The following KCNJ3 variants were observed in gnomAD, a reference collection of about 807,000 sequenced individuals.
The protein encoded by KCNJ3 is G protein-activated inward rectifier potassium channel 1.
A neutral mutation model predicts 39.2 loss-of-function variants in KCNJ3; 4 were observed. That is an observed-to-expected ratio of 0.10 (90% confidence interval 0.05 to 0.23). The LOEUF is 0.23. KCNJ3 is among the 10% of genes least tolerant of loss of function. The pLI is 1.00. For synonymous variants in KCNJ3, 230 were observed against 237.4 expected (o/e 0.97, Z 0.29); for missense variants, 276 against 634.9 (o/e 0.43, Z 6.08).
chr2:154,719,062 G>A (rs891272687), intron 2 of KCNJ3, among the ~76,000 whole-genome samples: 1 of 152,038 alleles, frequency 6.6e-6, no homozygotes, highest in Non-Finnish European at 1.5e-5. Context: ...TTCAAGATGA[G>A]GTCTTGGGAC....
At chr2:154,700,299 T>A (rs1574425420) in intron 1 of KCNJ3, among the ~76,000 whole-genome samples, 1 of 152,290 alleles carries the variant, frequency 6.6e-6, no homozygotes, top group African/African-American at 2.4e-5. Context: ...CTAAAACAAA[T>A]TGCACATGGA....
At chr2:154,839,858 G>C (rs1450204141) in intron 2 of KCNJ3, among the ~76,000 whole-genome samples, 1 of 151,864 alleles carries the variant, frequency 6.6e-6, no homozygotes, top group Non-Finnish European at 1.5e-5. Context: ...TGAGAAGATT[G>C]CAAAAATTTC....
At chr2:154,780,033 A>G (rs1452040593) in intron 2 of KCNJ3, among the ~76,000 whole-genome samples, 2 of 152,210 alleles carry the variant, frequency 1.3e-5, no homozygotes, top group East Asian at 3.9e-4. Context: ...TAACACTCTA[A>G]TAACAGTATG....
chr2:154,838,997 G>T (rs1169164238), intron 2 of KCNJ3, among the ~76,000 whole-genome samples: 1 of 152,134 alleles, frequency 6.6e-6, no homozygotes, highest in Non-Finnish European at 1.5e-5. Context: ...TGCACAACGT[G>T]CAGGTTTGAT....
intron 2 of KCNJ3, among the ~76,000 whole-genome samples, chr2:154,844,053 G>A (rs1181657324): frequency 6.6e-6 from 1 of 152,158 alleles, no homozygotes; most frequent in Non-Finnish European, 1.5e-5. Context: ...CAGCTTTTCT[G>A]CTCTGGTTTC....
intron 2 of KCNJ3, among the ~76,000 whole-genome samples, chr2:154,795,654 T>C (rs1193022627): frequency 1.3e-5 from 2 of 152,096 alleles, no homozygotes; most frequent in Non-Finnish European, 2.9e-5. Context: ...AAGTATTTAA[T>C]GTTTCATGTT....
intron 2 of KCNJ3, among the ~76,000 whole-genome samples, chr2:154,821,258 T>C (rs1226660290): frequency 6.6e-6 from 1 of 152,142 alleles, no homozygotes; most frequent in Non-Finnish European, 1.5e-5. Context: ...AAGCCCAAAT[T>C]TCTCTCTTTG....
chr2:154,739,413 T>C (rs116382510), intron 2 of KCNJ3, among the ~76,000 whole-genome samples: 310 of 152,148 alleles, frequency 2.0e-3, no homozygotes, highest in African/African-American at 7.0e-3. Context: ...AAGTGTCCAG[T>C]TGAATTTTCC....
At chr2:154,792,241 T>C (rs1380520219) in intron 2 of KCNJ3, among the ~76,000 whole-genome samples, 1 of 152,084 alleles carries the variant, frequency 6.6e-6, no homozygotes, top group Admixed American at 6.6e-5. Context: ...ACCTGAGTTA[T>C]GCTTGGTCTC....
chr2:154,725,539 T>C (rs1685339088), intron 2 of KCNJ3, among the ~76,000 whole-genome samples: 2 of 152,126 alleles, frequency 1.3e-5, no homozygotes, highest in South Asian at 4.1e-4. Context: ...GTTTTTTTCC[T>C]AGAAATATTT....
At chr2:154,824,595 G>A (rs1687238205) in intron 2 of KCNJ3, among the ~76,000 whole-genome samples, 1 of 152,090 alleles carries the variant, frequency 6.6e-6, no homozygotes, top group South Asian at 2.1e-4. Flanking sequence ...AAACTAGTGA[G>A]TAATCTATAA....
At chr2:154,793,722 A>T (rs2105211986) in intron 2 of KCNJ3, among the ~76,000 whole-genome samples, 1 of 152,202 alleles carries the variant, frequency 6.6e-6, no homozygotes, top group South Asian at 2.1e-4. Flanking sequence ...AACTGGACAT[A>T]GGTTTAAGTT....
intron 2 of KCNJ3, among the ~76,000 whole-genome samples, chr2:154,760,553 T>TTC (rs952572514): frequency 2.7e-5 from 4 of 150,316 alleles, no homozygotes; most frequent in Admixed American, 2.7e-4. Context: ...ACTTCTCTCT[T>TTC]TCTCTCTCTC....
chr2:154,754,611 T>C (rs1377710856), intron 2 of KCNJ3, among the ~76,000 whole-genome samples: 1 of 152,238 alleles, frequency 6.6e-6, no homozygotes, highest in Admixed American at 6.5e-5. Flanking sequence ...ATATATGGCA[T>C]AATATCCTTT....
intron 2 of KCNJ3, among the ~76,000 whole-genome samples, chr2:154,815,099 C>T (rs1339812912): frequency 6.6e-6 from 1 of 152,174 alleles, no homozygotes; most frequent in Non-Finnish European, 1.5e-5. Context: ...CAAGCAAATA[C>T]AACAGTTGAA....
chr2:154,839,694 G>A (rs1410973164), intron 2 of KCNJ3, among the ~76,000 whole-genome samples: 1 of 152,168 alleles, frequency 6.6e-6, no homozygotes, highest in Admixed American at 6.5e-5. Context: ...GTGATGATGA[G>A]CATTTTTTCA....
intron 2 of KCNJ3, among the ~76,000 whole-genome samples, chr2:154,793,377 C>T (rs1686670083): frequency 6.6e-6 from 1 of 151,948 alleles, no homozygotes; most frequent in Non-Finnish European, 1.5e-5. Context: ...CTTCTAGGAA[C>T]ATGCTTGTCA....
intron 2 of KCNJ3, among the ~76,000 whole-genome samples, chr2:154,831,129 A>G (rs1687355873): frequency 6.6e-6 from 1 of 152,128 alleles, no homozygotes; most frequent in South Asian, 2.1e-4. Context: ...ATTTTCTCCA[A>G]TGGACAGTCA....
At chr2:154,711,412 A>G (rs946669042) in intron 2 of KCNJ3, among the ~76,000 whole-genome samples, 1 of 152,042 alleles carries the variant, frequency 6.6e-6, no homozygotes, top group Non-Finnish European at 1.5e-5. Context: ...TATTATTCTC[A>G]TCACTGACAT....
Sources: allele counts gnomAD v4.1 joint callset (sites outside exome capture counted in the v4.1 genomes callset), GRCh38; gene constraint gnomAD v4.1.1; transcripts MANE v1.5; gene names NCBI Gene and HGNC (gene_info 2026-07-23, HGNC 2026-07-21).